SPNS2: variants seen among roughly 807,000 people sequenced by gnomAD.
SPNS2 encodes sphingosine-1-phosphate transporter SPNS2.
SPNS2 carries 37 observed loss-of-function variants against 57.6 expected under a neutral mutation model. That is an observed-to-expected ratio of 0.64 (90% CI 0.49 to 0.85). The LOEUF is 0.85. SPNS2 is among the 40% of genes least tolerant of loss of function. The probability of loss-of-function intolerance (pLI) is 0.00; values close to 1 mark genes in which losing one functional copy is unlikely to be tolerated. For missense variants in SPNS2, 831 were observed against 779.1 expected, an observed-to-expected ratio of 1.07 and a Z score of -0.79; for synonymous variants, 440 against 346.9, an observed-to-expected ratio of 1.27 and a Z score of -2.98.
chr17:4,525,007 G>T (rs1212030808), intron 2 of SPNS2, 50 bp from the exon 3 acceptor site: 3 of 1,596,520 alleles, frequency 1.9e-6, no homozygotes, highest in Middle Eastern at 1.7e-4. Flanking sequence ...GGGCCGGGAG[G>T]CCGGGGCGCA....
In SPNS2 at chr17:4,533,818, T is replaced by G; in HGVS notation, c.1309T>G (p.Phe437Val). The G allele has an allele frequency of 6.2e-7, 1 of 1,613,568 alleles. No individual in the cohort carries two copies. The highest frequency in any genetic ancestry group is 8.5e-7 in the Non-Finnish European group (1 of 1,179,974). Residue 437 changes from phenylalanine to valine, a missense_variant, in exon 9 of 13, where the codon TTT (phenylalanine) becomes GTT (valine). Phe to Val is a conservative substitution (Grantham distance 50, BLOSUM62 -1). This residue lies in a region of SPNS2 where 526 missense variants were observed against 400.9 expected (regional missense o/e 1.31). Transcript: ENST00000329078. The stretch of plus-strand genomic sequence containing the variant: ...TATCTTCGTCGGGGAGACGCTGCTG[T>G]TTTCTAACTGGGCCATCACTGCAGA... ...ICIFVGETLL[F>V]SNWAITADIL...
intron 2 of SPNS2, among the ~76,000 whole-genome samples, chr17:4,518,180 T>C (rs988185134): frequency 6.6e-6 from 1 of 151,932 alleles, no homozygotes; most frequent in Non-Finnish European, 1.5e-5. Flanking sequence ...GGTTTTGTCT[T>C]GGGGCAGTAG....
In SPNS2 at chr17:4,532,670, G is replaced by A. The variant is rs1312602765; in HGVS notation, c.921G>A (p.Lys307=). The change falls in exon 6 of 13, where the codon AAG becomes AAA. Residue 307 remains lysine, a synonymous_variant. Coordinates refer to ENST00000329078, the MANE Select transcript of SPNS2 (RefSeq NM_001124758.3). The stretch of plus-strand genomic sequence containing the variant: ...GGACCTCATGGCTCCGAGATATGAA[G>A]GCCCTGATTCGAAAGTGAGTACCGC... The part of the protein sequence containing the change: ...KARTSWLRDM[K]ALIRNRSYVF... 3 of 1,613,942 alleles carry A rather than the reference G, an allele frequency of 1.9e-6. No homozygotes were observed. The highest frequency in any genetic ancestry group is 2.2e-5 in the East Asian group (1 of 44,874).
chr17:4,520,424 G>A (rs765322613), intron 2 of SPNS2, among the ~76,000 whole-genome samples: 5 of 152,280 alleles, frequency 3.3e-5, no homozygotes, highest in Non-Finnish European at 5.9e-5. Context: ...TCTGGGTCAC[G>A]TCCCTCCAGT....
intron 3 of SPNS2, among the ~76,000 whole-genome samples, chr17:4,527,196 T>C (rs1432135694): frequency 6.6e-6 from 1 of 152,232 alleles, no homozygotes; most frequent in Non-Finnish European, 1.5e-5. Flanking sequence ...ACTTTGGCAA[T>C]GTGATTCTGA....
At chr17:4,532,293 T>A (rs1313368947) in intron 5 of SPNS2, among the ~76,000 whole-genome samples, 1 of 152,168 alleles carries the variant, frequency 6.6e-6, no homozygotes, top group Non-Finnish European at 1.5e-5. Context: ...CTTCAGTCTG[T>A]CTGGCTTCCC....
chr17:4,529,531 G>A (rs1320498831), intron 3 of SPNS2, among the ~76,000 whole-genome samples: 2 of 152,116 alleles, frequency 1.3e-5, no homozygotes, highest in African/African-American at 4.8e-5. Context: ...AATTAGCTGG[G>A]TGTGGTGTCG....
intron 3 of SPNS2, 30 bp downstream of exon 3, chr17:4,525,223 C>T: frequency 6.2e-7 from 1 of 1,611,770 alleles, no homozygotes; most frequent in Non-Finnish European, 8.5e-7. Context: ...CTCCCCGACC[C>T]CTGTGTCCTG....
chr17:4,522,692 G>A (rs1703614426), intron 2 of SPNS2, among the ~76,000 whole-genome samples: 1 of 152,220 alleles, frequency 6.6e-6, no homozygotes. Context: ...TGGCTGCCAT[G>A]TCTGTCACTC....
At position 4,510,085 on chromosome 17, in the gene SPNS2, C is replaced by A. The variant is rs376044459; in HGVS notation, c.371-3162C>A. ...CGACCCGCCGAGCTGCTGTGACACA[C>A]GCTTCCCGTGCCAGCGGCCAGCGGG... On this transcript the variant is annotated intron_variant, in intron 1 of 12. Coordinates refer to ENST00000329078, the MANE Select transcript of SPNS2 (RefSeq NM_001124758.3). The surrounding 1 kb of genome is among the most constrained non-coding windows in gnomAD (Gnocchi z 4.4). Among the ~76,000 whole-genome samples the A allele has an allele frequency of 6.6e-6, 1 of 152,270 alleles. No individual in the cohort carries two copies. The highest frequency in any genetic ancestry group is 2.4e-5 in the African/African-American group (1 of 41,474).
chr17:4,534,002 C>T (rs1905632458), intron 9 of SPNS2, 149 bp downstream of exon 9: 1 of 791,172 alleles, frequency 1.3e-6, no homozygotes, highest in Non-Finnish European at 2.1e-6. Flanking sequence ...GGGAGGGGAT[C>T]AGAGAGTTTG....
chr17:4,538,791 G>C lies in SPNS2; in HGVS notation c.*1343G>C, dbSNP rs12936160. The C allele has an allele frequency of 2.7e-6, 2 of 753,334 alleles. No individual in the cohort carries two copies. The highest frequency in any genetic ancestry group is 4.9e-6 in the Non-Finnish European group (2 of 410,556). The allele number at this position is 753,334 out of a possible 1,614,324, so 46.7% of individuals were successfully genotyped here. A position where few individuals can be genotyped will look rare whatever the true frequency, so the allele number is the denominator to read the frequency against. ...AAGCTCTGGGGTACCCCGAGGGCCT[G>C]ACAAGAGGATGGGGTGGGGGTGGCA... On this transcript the variant is annotated 3_prime_UTR_variant, in exon 13 of 13. Coordinates refer to ENST00000329078, the MANE Select transcript of SPNS2 (RefSeq NM_001124758.3).
At chr17:4,528,186 C>T (rs1312807983) in intron 3 of SPNS2, among the ~76,000 whole-genome samples, 1 of 151,888 alleles carries the variant, frequency 6.6e-6, no homozygotes, top group Non-Finnish European at 1.5e-5. Flanking sequence ...CCACACCCAG[C>T]TAATTTTTGT....
chr17:4,536,893 C>T lies in SPNS2; in HGVS notation c.1608-7C>T, dbSNP rs367671979. The T allele has an allele frequency of 6.2e-7, 1 of 1,613,078 alleles. No individual in the cohort carries two copies. Among genetic ancestry groups the T allele is most frequent in the Non-Finnish European group, 8.5e-7 (1 of 1,179,638 alleles). Reference sequence around the variant, plus strand: ...ACCACCCTGACCCCCGCCCGTCTCTCCCCCAGGGTGAACCAGCTGGCGATG... The same window carrying T: ...ACCACCCTGACCCCCGCCCGTCTCTTCCCCAGGGTGAACCAGCTGGCGATG... On this transcript the variant is annotated splice_polypyrimidine_tract_variant and splice_region_variant and intron_variant, in intron 11 of 12. Transcript: ENST00000329078.
chr17:4,536,433 G>C lies in SPNS2; in HGVS notation c.1607+7G>C, dbSNP rs11868893. 1.7e-5 allele frequency: 26 copies of C among 1,500,272 alleles called. No individual in the cohort carries two copies. The highest frequency in any genetic ancestry group is 8.0e-5 in the South Asian group (7 of 87,410). The allele number at this position is 1,500,272 out of a possible 1,614,324, so 92.9% of individuals were successfully genotyped here. A position where few individuals can be genotyped will look rare whatever the true frequency, so the allele number is the denominator to read the frequency against. On this transcript the variant is annotated splice_region_variant and intron_variant, in intron 11 of 12. Transcript: ENST00000329078. ...GCGCCAGGGCTGAGCAGCAGTGAGT[G>C]GGGGGGAGGGGAGGCCCTGCTGCAC... is the stretch of plus-strand genomic sequence containing the variant.
At chr17:4,531,231 G>T (rs568429678) in intron 5 of SPNS2, 112 bp downstream of exon 5, 56 of 962,102 alleles carry the variant, frequency 5.8e-5, no homozygotes, top group Non-Finnish European at 8.9e-5. Flanking sequence ...TCCTCCCCTG[G>T]CTGCGTGGAC....
chr17:4,500,798 C>T (rs1429304722), intron 1 of SPNS2, among the ~76,000 whole-genome samples: 1 of 151,962 alleles, frequency 6.6e-6, no homozygotes, highest in Non-Finnish European at 1.5e-5. Context: ...AGAGGCTTCC[C>T]CCTCCCCCCA....
At chr17:4,536,772 C>G in intron 11 of SPNS2, 128 bp from the exon 12 acceptor site, 1 of 772,678 alleles carries the variant, frequency 1.3e-6, no homozygotes, top group Non-Finnish European at 2.2e-6. Context: ...CCATCTCCCC[C>G]TGGGGCTGAC....
At position 4,530,721 on chromosome 17, in the gene SPNS2, C is replaced by T; in HGVS notation, c.663C>T (p.Leu221=). 1.2e-6 allele frequency: 2 copies of T among 1,614,104 alleles called. No individual in the cohort carries two copies. Among genetic ancestry groups the T allele is most frequent in the East Asian group, 2.2e-5 (1 of 44,888 alleles). The part of the protein sequence containing the change: ...STIAPTIIGD[L]FTKNTRTLML... Reference sequence around the variant, plus strand: ...TCGCCCCCACTATCATTGGCGACCTCTTCACCAAGAACACGCGTACGCTCA... The same window carrying T: ...TCGCCCCCACTATCATTGGCGACCTTTTCACCAAGAACACGCGTACGCTCA... Residue 221 remains leucine, a synonymous_variant, in exon 4 of 13, where the codon CTC becomes CTT. Transcript: ENST00000329078.
Sources: allele counts gnomAD v4.1 joint callset (sites outside exome capture counted in the v4.1 genomes callset), GRCh38; gene constraint gnomAD v4.1.1; regional missense constraint gnomAD v4.1.1; non-coding constraint Gnocchi (gnomAD v3.1); transcripts MANE v1.5; gene names NCBI Gene and HGNC (gene_info 2026-07-23, HGNC 2026-07-21).